The following MACROD2 variants were observed in gnomAD, a reference collection of about 807,000 sequenced individuals.
The protein encoded by MACROD2 is ADP-ribose glycohydrolase MACROD2.
Under a neutral mutation model 70.4 loss-of-function variants are expected in MACROD2, and 36 were observed. That is an observed-to-expected ratio of 0.51 (90% CI 0.39 to 0.68). The LOEUF (loss-of-function observed/expected upper bound fraction) is 0.68. Among genes scored for constraint, MACROD2 ranks in the 30% least tolerant of loss-of-function variants. MACROD2 has a pLI of 0.00. For missense variants in MACROD2, 496 were observed against 538.4 expected, an observed-to-expected ratio of 0.92 and a Z score of 0.78; for synonymous variants, 172 against 178.8, an observed-to-expected ratio of 0.96 and a Z score of 0.30.
chr20:15,262,001 G>T (rs1447075882), intron 6 of MACROD2, among the ~76,000 whole-genome samples: 1 of 151,752 alleles, frequency 6.6e-6, no homozygotes, highest in African/African-American at 2.4e-5. Flanking sequence ...CTCACATCAG[G>T]TTAAATGGGG....
At chr20:15,999,693 G>C (rs1371190472) in intron 15 of MACROD2, among the ~76,000 whole-genome samples, 1 of 152,122 alleles carries the variant, frequency 6.6e-6, no homozygotes, top group East Asian at 1.9e-4. Flanking sequence ...ACATCTTCTT[G>C]ATAAATTGAT....
intron 5 of MACROD2, among the ~76,000 whole-genome samples, chr20:14,974,629 A>G (rs892351313): frequency 3.9e-5 from 6 of 152,144 alleles, no homozygotes; most frequent in African/African-American, 1.4e-4. Flanking sequence ...AGTGACAGCC[A>G]CATTGCAGGA....
chr20:15,425,619 G>A (rs2046287110), intron 6 of MACROD2, among the ~76,000 whole-genome samples: 1 of 152,204 alleles, frequency 6.6e-6, no homozygotes, highest in South Asian at 2.1e-4. Flanking sequence ...GCACTTTACA[G>A]TTAATTTACA....
chr20:15,695,062 G>A lies in MACROD2; in HGVS notation c.646-167683G>A, dbSNP rs114794797. On this transcript the variant is annotated intron_variant, in intron 8 of 17. Transcript: ENST00000684519. ...GGTTTATTTATGGGTTCTCTATTCCGTTCCATTGGTCTATGTGCCCATTTT... is the reference window on the plus strand; with the variant it reads ...GGTTTATTTATGGGTTCTCTATTCCATTCCATTGGTCTATGTGCCCATTTT... 6.2e-3 allele frequency among the ~76,000 whole-genome samples: 941 copies of A among 152,176 alleles called. 13 individuals carry two copies. The highest frequency in any genetic ancestry group is 0.022 in the African/African-American group (894 of 41,480).
intron 3 of MACROD2, among the ~76,000 whole-genome samples, chr20:14,185,472 C>T (rs1447358560): frequency 1.3e-5 from 2 of 151,992 alleles, no homozygotes; most frequent in South Asian, 2.1e-4. Flanking sequence ...ATGGATATGA[C>T]CAACAATTAA....
At chr20:15,510,259 A>G (rs1223206320) in intron 8 of MACROD2, among the ~76,000 whole-genome samples, 1 of 152,226 alleles carries the variant, frequency 6.6e-6, no homozygotes, top group Non-Finnish European at 1.5e-5. Context: ...ACACAGGGAT[A>G]AAAACAACAC....
chr20:14,776,992 T>C (rs148398856), intron 5 of MACROD2, among the ~76,000 whole-genome samples: 282 of 152,252 alleles, frequency 1.9e-3, no homozygotes, highest in African/African-American at 6.4e-3. Flanking sequence ...TTGCATGTAG[T>C]CATGCTTTGT....
chr20:15,364,689 A>G (rs1464391735), intron 6 of MACROD2, among the ~76,000 whole-genome samples: 2 of 152,228 alleles, frequency 1.3e-5, no homozygotes, highest in Non-Finnish European at 2.9e-5. Flanking sequence ...GCCTGTATAT[A>G]GGCACGTTAT....
chr20:16,026,296 A>G (rs2067079950), intron 15 of MACROD2, among the ~76,000 whole-genome samples: 1 of 152,218 alleles, frequency 6.6e-6, no homozygotes, highest in African/African-American at 2.4e-5. Context: ...GGAGAGCCTC[A>G]GTACACCACC....
At chr20:14,046,136 C>T (rs955356573) in intron 2 of MACROD2, among the ~76,000 whole-genome samples, 1 of 152,020 alleles carries the variant, frequency 6.6e-6, no homozygotes, top group Non-Finnish European at 1.5e-5. Context: ...ACGATTAATG[C>T]AGAGGAAAAA....
At chr20:14,467,872 G>A (rs896101508) in intron 3 of MACROD2, among the ~76,000 whole-genome samples, 1 of 152,068 alleles carries the variant, frequency 6.6e-6, no homozygotes, top group African/African-American at 2.4e-5. Flanking sequence ...TATATATCCA[G>A]CAGTCACTCA....
intron 5 of MACROD2, among the ~76,000 whole-genome samples, chr20:14,836,942 A>T (rs111546760): frequency 3.3e-5 from 5 of 152,082 alleles, no homozygotes; most frequent in African/African-American, 9.7e-5. Flanking sequence ...GGTAGTTTGT[A>T]TAGAAAGCAC....
intron 5 of MACROD2, among the ~76,000 whole-genome samples, chr20:14,806,957 A>G (rs2072646691): frequency 6.6e-6 from 1 of 152,128 alleles, no homozygotes; most frequent in African/African-American, 2.4e-5. Context: ...GCTTATAGAT[A>G]AAACTCTCAT....
chr20:15,656,874 G>A (rs1160698904), intron 8 of MACROD2, among the ~76,000 whole-genome samples: 1 of 151,758 alleles, frequency 6.6e-6, no homozygotes, highest in Admixed American at 6.6e-5. Flanking sequence ...AAAGTAAGAA[G>A]AGACCATAAA....
At chr20:15,882,301 G>C (rs1416373685) in intron 9 of MACROD2, among the ~76,000 whole-genome samples, 7 of 152,096 alleles carry the variant, frequency 4.6e-5, no homozygotes, top group African/African-American at 1.7e-4. Flanking sequence ...GATGGGGAAA[G>C]TAGACAATTT....
At chr20:15,102,995 C>T (rs1032468918) in intron 5 of MACROD2, among the ~76,000 whole-genome samples, 1 of 151,952 alleles carries the variant, frequency 6.6e-6, no homozygotes, top group African/African-American at 2.4e-5. Flanking sequence ...AGTGATATGT[C>T]TTATTTAGAC....
intron 8 of MACROD2, among the ~76,000 whole-genome samples, chr20:15,686,305 T>C (rs1234260468): frequency 6.6e-6 from 1 of 152,088 alleles, no homozygotes; most frequent in African/African-American, 2.4e-5. Flanking sequence ...AACATGAGGT[T>C]TTCAGGGTTC....
At chr20:14,219,468 C>T (rs1381476766) in intron 3 of MACROD2, among the ~76,000 whole-genome samples, 1 of 152,070 alleles carries the variant, frequency 6.6e-6, no homozygotes, top group African/African-American at 2.4e-5. Context: ...TTACATTGGG[C>T]TTCGCCTTTC....
intron 3 of MACROD2, among the ~76,000 whole-genome samples, chr20:14,086,636 T>A (rs985448315): frequency 5.1e-4 from 78 of 152,288 alleles, no homozygotes; most frequent in African/African-American, 1.8e-3. Flanking sequence ...TGCTTCAGGG[T>A]GGACCAAAGT....
Sources: allele counts gnomAD v4.1 joint callset (sites outside exome capture counted in the v4.1 genomes callset), GRCh38; gene constraint gnomAD v4.1.1; transcripts MANE v1.5; gene names NCBI Gene and HGNC (gene_info 2026-07-23, HGNC 2026-07-21).